The following LINGO2 variants were observed in gnomAD, a reference collection of about 807,000 sequenced individuals.
LINGO2 encodes leucine rich repeat and Ig domain containing 2.
In LINGO2, 14 loss-of-function variants were observed where a neutral mutation model predicts 30.6. The ratio of observed to expected loss-of-function variants is 0.46; its 90% CI spans 0.30 to 0.72. The LOEUF is 0.72. Among genes scored for constraint, LINGO2 ranks in the 30% least tolerant of loss-of-function variants. The probability of loss-of-function intolerance (pLI) is 0.07; values close to 1 mark genes in which losing one functional copy is unlikely to be tolerated. For synonymous variants in LINGO2, 317 were observed against 288.5 expected (o/e 1.10, Z -1.00); for missense variants, 729 against 751.7 (o/e 0.97, Z 0.35).
At chr9:28,921,553 T>C in the LINGO2 span, among the ~76,000 whole-genome samples, 4 of 152,264 alleles carry the variant, frequency 2.6e-5, no homozygotes, top group South Asian at 8.3e-4. Context: ...TGCAATTATC[T>C]TGGTAGCTCG....
At chr9:28,748,026 G>A in the LINGO2 span, among the ~76,000 whole-genome samples, 1 of 152,040 alleles carries the variant, frequency 6.6e-6, no homozygotes, top group Non-Finnish European at 1.5e-5. Flanking sequence ...AACTTTCTTT[G>A]CAATTTTCAC....
chr9:28,891,476 T>C, the LINGO2 span, among the ~76,000 whole-genome samples: 1 of 117,592 alleles, frequency 8.5e-6, no homozygotes, highest in Non-Finnish European at 2.1e-5. Context: ...AAGGAATTTC[T>C]GGAGAAAAAA....
chr9:28,646,562 A>T (rs1426627077), intron 1 of LINGO2, among the ~76,000 whole-genome samples: 2 of 152,106 alleles, frequency 1.3e-5, no homozygotes, highest in Non-Finnish European at 2.9e-5. Context: ...ATATGAACCA[A>T]CAAAAAGGAT....
At position 28,307,513 on chromosome 9, in the gene LINGO2, C is replaced by G. The variant is rs559146623; in HGVS notation, c.-245-12147G>C. Among the ~76,000 whole-genome samples the G allele has an allele frequency of 2.4e-4, 37 of 152,222 alleles. No individual in the cohort carries two copies. In the South Asian group the frequency reaches 7.3e-3, roughly 30 times the overall value. On this transcript the variant is annotated intron_variant, in intron 3 of 5. Coordinates refer to ENST00000379992, the Ensembl canonical transcript of LINGO2. ...AAACTGGAAGCATTCCCTTTGAAAA[C>G]TGGCACAAGACAGGGATGCCCTCTC...
the LINGO2 span, among the ~76,000 whole-genome samples, chr9:28,820,341 A>C: frequency 6.6e-6 from 1 of 152,222 alleles, no homozygotes; most frequent in African/African-American, 2.4e-5. Context: ...AGAATTTTCA[A>C]CAGAAAAAAG....
chr9:29,132,023 C>A, the LINGO2 span, among the ~76,000 whole-genome samples: 1 of 151,772 alleles, frequency 6.6e-6, no homozygotes, highest in South Asian at 2.1e-4. Flanking sequence ...GGTTTCCAGC[C>A]AGGTCCAGGT....
At position 28,085,881 on chromosome 9, in the gene LINGO2, T is replaced by C. The variant is rs886388701; in HGVS notation, c.-86-73476A>G. On this transcript the variant is annotated intron_variant, in intron 4 of 5. Coordinates refer to ENST00000379992, the Ensembl canonical transcript of LINGO2. ...TATGATACTTGAATTCGTGAGTGTC[T>C]ATAAATAAAATGAGGTAGTTCTCTA... 3.3e-5 allele frequency among the ~76,000 whole-genome samples: 5 copies of C among 152,232 alleles called. No homozygotes were observed. The South Asian group carries it at 1.0e-3, about 32-fold the overall frequency.
chr9:29,189,704 C>G, the LINGO2 span, among the ~76,000 whole-genome samples: 1 of 152,130 alleles, frequency 6.6e-6, no homozygotes, highest in Non-Finnish European at 1.5e-5. Context: ...CACGCCACTG[C>G]ACTCCAGCCT....
At chr9:29,156,799 C>G in the LINGO2 span, among the ~76,000 whole-genome samples, 1 of 151,920 alleles carries the variant, frequency 6.6e-6, no homozygotes, top group Non-Finnish European at 1.5e-5. Context: ...CTTACACTTC[C>G]CAAATTATTA....
Position 28,140,974 on chromosome 9 carries a change from AATCATC to A in LINGO2, c.-86-128575_-86-128570del, listed in dbSNP as rs544496167. On this transcript the variant is annotated intron_variant, in intron 4 of 5. Coordinates refer to ENST00000379992, the Ensembl canonical transcript of LINGO2. ...ATAATATATACTTAATATTATCATT[AATCATC>A]AACAATATAAAATTACAGTTCATAT... is the stretch of plus-strand genomic sequence containing the variant. Among the ~76,000 whole-genome samples the A allele has an allele frequency of 1.3e-3, 191 of 150,882 alleles. 4 individuals carry two copies. Among genetic ancestry groups the A allele is most frequent in the Admixed American group, 0.011 (166 of 15,114 alleles).
In LINGO2 at chr9:28,404,318, C is replaced by T. The variant is rs144440286; in HGVS notation, c.-278-31450G>A. On this transcript the variant is annotated intron_variant, in intron 2 of 5. Coordinates refer to ENST00000379992, the Ensembl canonical transcript of LINGO2. ...TATAAAAGATGAATAAATATATTCT[C>T]CAAATGATTCGTGGTAGAGGTTTAA... 1.3e-3 allele frequency among the ~76,000 whole-genome samples: 202 copies of T among 151,276 alleles called. 2 individuals are homozygous for T. Among genetic ancestry groups the T allele is most frequent in the African/African-American group, 4.6e-3 (190 of 41,092 alleles).
chr9:28,180,167 A>G (rs1436654354), intron 4 of LINGO2, among the ~76,000 whole-genome samples: 5 of 152,182 alleles, frequency 3.3e-5, no homozygotes, highest in Non-Finnish European at 7.4e-5. Flanking sequence ...ATAGCAAGAA[A>G]GCAAAACCGT....
the LINGO2 span, among the ~76,000 whole-genome samples, chr9:28,828,298 A>C: frequency 6.6e-6 from 1 of 152,046 alleles, no homozygotes; most frequent in Non-Finnish European, 1.5e-5. Context: ...AGCACAAAAT[A>C]AAATACAGAG....
chr9:29,061,334 T>C, the LINGO2 span, among the ~76,000 whole-genome samples: 2 of 151,936 alleles, frequency 1.3e-5, no homozygotes, highest in African/African-American at 4.8e-5. Flanking sequence ...AGAAAAAAAT[T>C]ATATTCTAGG....
At chr9:28,962,161 C>T in the LINGO2 span, among the ~76,000 whole-genome samples, 1 of 152,056 alleles carries the variant, frequency 6.6e-6, no homozygotes, top group East Asian at 1.9e-4. Context: ...TTTTTAAAGT[C>T]TATTTCCTAA....
At chr9:29,076,125 G>A in the LINGO2 span, among the ~76,000 whole-genome samples, 34 of 151,694 alleles carry the variant, frequency 2.2e-4, no homozygotes, top group Admixed American at 2.0e-4. Flanking sequence ...TGGTCATCCC[G>A]CCTTGATCTC....
At chr9:28,159,071 T>C (rs1359127019) in intron 4 of LINGO2, among the ~76,000 whole-genome samples, 2 of 152,194 alleles carry the variant, frequency 1.3e-5, no homozygotes, top group African/African-American at 4.8e-5. Flanking sequence ...CTTAGACAAC[T>C]CACCATTTTC....
chr9:28,020,039 C>T (rs145717275), intron 4 of LINGO2, among the ~76,000 whole-genome samples: 1 of 152,090 alleles, frequency 6.6e-6, no homozygotes, highest in Non-Finnish European at 1.5e-5. Flanking sequence ...TGTACAAGTG[C>T]CCCCAAGTGA....
chr9:28,676,006 T>G, the LINGO2 span, among the ~76,000 whole-genome samples: 1 of 149,916 alleles, frequency 6.7e-6, no homozygotes, highest in Non-Finnish European at 1.5e-5. Context: ...GCATTTTACA[T>G]GAAATCTAGC....
Sources: gnomAD v4.1 joint callset for allele counts (sites outside exome capture counted in the v4.1 genomes callset) on GRCh38, gnomAD v4.1.1 for gene constraint, MANE v1.5 for transcripts, NCBI Gene and HGNC (gene_info 2026-07-23, HGNC 2026-07-21) for gene names.